Variants in DLGAP2 observed in about 807,000 individuals in gnomAD.
The protein encoded by DLGAP2 is DLG associated protein 2, also known as disks large-associated protein 2.
In DLGAP2, 26 loss-of-function variants were observed where a neutral mutation model predicts 100.3. The observed-to-expected ratio is 0.26, with a 90% confidence interval of 0.19 to 0.36. DLGAP2 has a LOEUF of 0.36. Among genes scored for constraint, DLGAP2 ranks in the 10% least tolerant of loss-of-function variants. DLGAP2 has a pLI of 1.00. For missense variants in DLGAP2, 1,858 were observed against 1,453.2 expected, an observed-to-expected ratio of 1.28 and a Z score of -4.53; for synonymous variants, 886 against 630.1, an observed-to-expected ratio of 1.41 and a Z score of -6.08.
At chr8:918,963 C>A (rs567004445) in intron 2 of DLGAP2, among the ~76,000 whole-genome samples, 1 of 152,210 alleles carries the variant, frequency 6.6e-6, no homozygotes, top group East Asian at 1.9e-4. Flanking sequence ...TATTTTGAAA[C>A]AGGGTCTCAC....
chr8:1,581,421 T>A (rs1238241704), intron 6 of DLGAP2, among the ~76,000 whole-genome samples: 5 of 139,608 alleles, frequency 3.6e-5, no homozygotes, highest in African/African-American at 1.1e-4. Context: ...CACACACATA[T>A]ACACACCACA....
intron 2 of DLGAP2, among the ~76,000 whole-genome samples, chr8:1,207,524 C>A (rs7813426): frequency 0.55 from 83,875 of 152,094 alleles, 25,403 homozygotes; most frequent in African/African-American, 0.81. Context: ...ATTGTGAATA[C>A]ACATGCATGT....
intron 6 of DLGAP2, among the ~76,000 whole-genome samples, chr8:1,572,880 A>G (rs1406409506): frequency 9.6e-6 from 1 of 104,312 alleles, no homozygotes; most frequent in Non-Finnish European, 1.9e-5. Flanking sequence ...GCATCTGATG[A>G]GATGGAGAGG....
intron 2 of DLGAP2, among the ~76,000 whole-genome samples, chr8:1,218,044 G>A (rs1798246956): frequency 6.6e-6 from 1 of 152,106 alleles, no homozygotes; most frequent in South Asian, 2.1e-4. Flanking sequence ...CATTCTATAA[G>A]TTGTCTGTTT....
At chr8:1,512,042 C>T (rs540248492) in intron 4 of DLGAP2, among the ~76,000 whole-genome samples, 19 of 152,314 alleles carry the variant, frequency 1.2e-4, no homozygotes, top group African/African-American at 4.6e-4. Flanking sequence ...CAGAAGTCTC[C>T]CTGAGAACGG....
chr8:782,210 T>C (rs1821709465), intron 1 of DLGAP2, among the ~76,000 whole-genome samples: 1 of 150,992 alleles, frequency 6.6e-6, no homozygotes, highest in South Asian at 2.1e-4. Context: ...AATAAAAAGG[T>C]ATAAAAGTTA....
chr8:811,399 A>C (rs912432664), intron 1 of DLGAP2, among the ~76,000 whole-genome samples: 1 of 148,244 alleles, frequency 6.7e-6, no homozygotes, highest in Non-Finnish European at 1.5e-5. Flanking sequence ...GGGCCCAGCC[A>C]GGGCTCCTGC....
chr8:1,545,918 A>G (rs78923982), intron 4 of DLGAP2, among the ~76,000 whole-genome samples: 4,147 of 152,282 alleles, frequency 0.027, 210 homozygotes, highest in African/African-American at 0.094. Context: ...TCTCTTTTTA[A>G]TATGAAGGAA....
chr8:1,434,765 G>A (rs1003004949), intron 3 of DLGAP2, among the ~76,000 whole-genome samples: 7 of 152,186 alleles, frequency 4.6e-5, no homozygotes, highest in Non-Finnish European at 8.8e-5. Context: ...TTGAGCCACT[G>A]TGCCCGGCCG....
intron 2 of DLGAP2, among the ~76,000 whole-genome samples, chr8:1,168,399 A>G (rs543986267): frequency 6.6e-6 from 1 of 152,044 alleles, no homozygotes; most frequent in East Asian, 1.9e-4. Context: ...TATGCCCAGT[A>G]ATGGGATGGC....
chr8:907,987 TGATTTGG>T, intron 2 of DLGAP2, 21 bp downstream of exon 2: 1 of 399,010 alleles, frequency 2.5e-6, no homozygotes, highest in Non-Finnish European at 4.4e-6. Flanking sequence ...TTCATTCTTC[TGATTTGG>T]GATTATATGT....
In DLGAP2 at chr8:1,613,931, A is replaced by T. The variant is rs141307674; in HGVS notation, c.1443-12809A>T. Among the ~76,000 whole-genome samples the T allele has an allele frequency of 1.7e-3, 264 of 152,352 alleles. 1 individual carries two copies. The highest frequency in any genetic ancestry group is 6.1e-3 in the African/African-American group (253 of 41,582). ...CCAAAGGACTAAATTGCTACCTTCC[A>T]TTCTAGCTCTATCAACTATTCCCGG... On this transcript the variant is annotated intron_variant, in intron 6 of 14. Coordinates refer to ENST00000637795, the MANE Select transcript of DLGAP2 (RefSeq NM_001346810.2).
chr8:1,407,474 C>T (rs1172091172), intron 3 of DLGAP2, among the ~76,000 whole-genome samples: 2 of 145,916 alleles, frequency 1.4e-5, no homozygotes, highest in Non-Finnish European at 3.0e-5. Context: ...CCTCATCCTC[C>T]AGGGTAGTGT....
chr8:1,355,492 G>A (rs1801826959), intron 3 of DLGAP2, among the ~76,000 whole-genome samples: 1 of 151,904 alleles, frequency 6.6e-6, no homozygotes, highest in Non-Finnish European at 1.5e-5. Context: ...AACCTCCTGA[G>A]TAGCTGGGAT....
intron 2 of DLGAP2, among the ~76,000 whole-genome samples, chr8:976,313 A>C (rs113672306): frequency 6.6e-6 from 1 of 152,196 alleles, no homozygotes; most frequent in African/African-American, 2.4e-5. Context: ...GAAAGCCCAG[A>C]AAATAGACTC....
At chr8:1,617,435 A>G (rs1797192753) in intron 6 of DLGAP2, among the ~76,000 whole-genome samples, 1 of 152,180 alleles carries the variant, frequency 6.6e-6, no homozygotes, top group African/African-American at 2.4e-5. Flanking sequence ...GGTGTGAGAT[A>G]CTATCTTATT....
Position 1,113,660 on chromosome 8 carries a change from T to A in DLGAP2, c.74-145191T>A, listed in dbSNP as rs142164037. On this transcript the variant is annotated intron_variant, in intron 2 of 14. Transcript: ENST00000637795. Reference sequence around the variant, plus strand: ...ATCTACAAACAGGGGTACTTTGACTTCCTCTCTTTCTGCTTGGATGCCCTT... The same window carrying A: ...ATCTACAAACAGGGGTACTTTGACTACCTCTCTTTCTGCTTGGATGCCCTT... 8.1e-4 allele frequency among the ~76,000 whole-genome samples: 123 copies of A among 152,280 alleles called. 3 individuals are homozygous for A. In the East Asian group the frequency reaches 0.022, roughly 27 times the overall value.
Position 811,334 on chromosome 8 carries a change from C to T in DLGAP2, c.18+73509C>T, listed in dbSNP as rs566582600. Among the ~76,000 whole-genome samples, 1,449 of 151,828 alleles carry T rather than the reference C, an allele frequency of 9.5e-3. 9 individuals carry two copies. The highest frequency in any genetic ancestry group is 0.027 in the Middle Eastern group (8 of 292). On this transcript the variant is annotated intron_variant, in intron 1 of 14. Coordinates refer to ENST00000637795, the MANE Select transcript of DLGAP2 (RefSeq NM_001346810.2). ...CAGGGCTCCTGCCGTGGTGAGAGGC[C>T]ACCAGCTTTCGGATGAAGCTCCCAT...
chr8:1,054,260 G>GCA (rs957787074), intron 2 of DLGAP2, among the ~76,000 whole-genome samples: 23 of 151,406 alleles, frequency 1.5e-4, no homozygotes, highest in Admixed American at 1.5e-3. Context: ...GTACACACAC[G>GCA]CACACACACG....
Sources: gnomAD v4.1 joint callset for allele counts (sites outside exome capture counted in the v4.1 genomes callset) on GRCh38, gnomAD v4.1.1 for gene constraint, MANE v1.5 for transcripts, NCBI Gene and HGNC (gene_info 2026-07-23, HGNC 2026-07-21) for gene names.